Variants in PRIM2 observed in about 807,000 individuals in gnomAD.
PRIM2 encodes DNA primase subunit 2.
A neutral mutation model predicts 67.3 loss-of-function variants in PRIM2; 39 were observed. The ratio of observed to expected loss-of-function variants is 0.58; its 90% confidence interval spans 0.45 to 0.76. The LOEUF (loss-of-function observed/expected upper bound fraction) is 0.76. PRIM2 is among the 30% of genes least tolerant of loss of function. The pLI, the probability that PRIM2 is intolerant of heterozygous loss-of-function variation, is 0.00. For missense variants in PRIM2, 398 were observed against 598.7 expected (o/e 0.66, Z 3.50); for synonymous variants, 143 against 198.7 (o/e 0.72, Z 2.36).
the PRIM2 span, among the ~76,000 whole-genome samples, chr6:57,290,667 C>A: frequency 6.6e-6 from 1 of 152,184 alleles, no homozygotes; most frequent in African/African-American, 2.4e-5. Flanking sequence ...GACCACAGTG[C>A]AATCAAATTA....
intron 7 of PRIM2, among the ~76,000 whole-genome samples, chr6:57,485,964 C>T (rs1773743335): frequency 1.3e-5 from 2 of 152,106 alleles, no homozygotes; most frequent in South Asian, 4.2e-4. Context: ...AGAAGGGAGT[C>T]ATCAGTTCTA....
intron 6 of PRIM2, among the ~76,000 whole-genome samples, chr6:57,380,351 G>T (rs572257361): frequency 7.9e-5 from 12 of 152,176 alleles, no homozygotes; most frequent in Non-Finnish European, 1.3e-4. Context: ...GCTGCCTTGC[G>T]TGGAAGCCCC....
chr6:57,253,272 G>A, the PRIM2 span, among the ~76,000 whole-genome samples: 49 of 152,278 alleles, frequency 3.2e-4, no homozygotes, highest in African/African-American at 1.1e-3. Flanking sequence ...ATCTCTAAAT[G>A]GTAGCTCCAT....
chr6:57,569,988 C>T (rs1233486253), intron 10 of PRIM2, among the ~76,000 whole-genome samples: 34 of 152,280 alleles, frequency 2.2e-4, no homozygotes, highest in South Asian at 1.2e-3. Context: ...ATGATCCGCC[C>T]GCCTTGGCCT....
chr6:57,339,884 C>T (rs1348572432), intron 5 of PRIM2, among the ~76,000 whole-genome samples: 5 of 151,062 alleles, frequency 3.3e-5, no homozygotes, highest in Non-Finnish European at 5.9e-5. Flanking sequence ...AGAGCTTCTG[C>T]ACAGCAAAAG....
At chr6:57,643,425 A>G (rs1432441728) in intron 13 of PRIM2, among the ~76,000 whole-genome samples, 3 of 152,230 alleles carry the variant, frequency 2.0e-5, no homozygotes, top group African/African-American at 2.4e-5. Flanking sequence ...AGACAAAACC[A>G]GTTACTAATT....
the PRIM2 span, among the ~76,000 whole-genome samples, chr6:57,308,811 A>C: frequency 6.6e-6 from 1 of 151,698 alleles, no homozygotes; most frequent in South Asian, 2.1e-4. Context: ...CATTTCCTTC[A>C]TTGTGAAATA....
chr6:57,387,976 GC>G (rs1395787480), intron 7 of PRIM2, among the ~76,000 whole-genome samples: 10 of 151,826 alleles, frequency 6.6e-5, no homozygotes, highest in Non-Finnish European at 1.3e-4. Flanking sequence ...TGCATTCCAG[GC>G]AGGAAAAGTC....
chr6:57,296,637 A>G, the PRIM2 span, among the ~76,000 whole-genome samples: 81 of 151,376 alleles, frequency 5.4e-4, no homozygotes, highest in South Asian at 7.7e-3. Context: ...GTGGTAGGGG[A>G]GCAGTAGTGG....
At chr6:57,353,981 A>G (rs1250805453) in intron 5 of PRIM2, among the ~76,000 whole-genome samples, 1 of 152,208 alleles carries the variant, frequency 6.6e-6, no homozygotes, top group Non-Finnish European at 1.5e-5. Context: ...TAATTCCTAT[A>G]GAGAAAAGTA....
chr6:57,605,869 T>C (rs1175077990), intron 11 of PRIM2, among the ~76,000 whole-genome samples: 2 of 152,188 alleles, frequency 1.3e-5, no homozygotes, highest in African/African-American at 4.8e-5. Flanking sequence ...TCTTTTACAT[T>C]TTCATAGATT....
intron 5 of PRIM2, among the ~76,000 whole-genome samples, chr6:57,360,377 T>C (rs1769157910): frequency 6.6e-6 from 1 of 152,192 alleles, no homozygotes; most frequent in Non-Finnish European, 1.5e-5. Context: ...ATGCTTTATA[T>C]TGGCTCTTGA....
chr6:57,400,576 T>C (rs1770673896), intron 7 of PRIM2, among the ~76,000 whole-genome samples: 1 of 152,186 alleles, frequency 6.6e-6, no homozygotes, highest in Admixed American at 6.5e-5. Context: ...ATTATGTGTC[T>C]TGGGGATGAT....
At chr6:57,374,793 G>T (rs1377857310) in intron 5 of PRIM2, among the ~76,000 whole-genome samples, 1 of 152,102 alleles carries the variant, frequency 6.6e-6, no homozygotes, top group Non-Finnish European at 1.5e-5. Flanking sequence ...GTTTCGCCGT[G>T]TTGGGCAGTC....
chr6:57,339,606 A>G (rs1177311252), intron 5 of PRIM2, among the ~76,000 whole-genome samples: 6 of 152,162 alleles, frequency 3.9e-5, no homozygotes, highest in African/African-American at 1.4e-4. Flanking sequence ...GCAATGGGGA[A>G]AGGATTCCCT....
intron 10 of PRIM2, among the ~76,000 whole-genome samples, 158 bp from the exon 11 acceptor site, chr6:57,600,935 C>T (rs1776452346): frequency 6.6e-6 from 1 of 152,116 alleles, no homozygotes; most frequent in Admixed American, 6.5e-5. Context: ...CATAAAGGAC[C>T]TAAATAATAT....
the PRIM2 span, among the ~76,000 whole-genome samples, chr6:57,301,108 C>T: frequency 6.6e-6 from 1 of 152,174 alleles, no homozygotes; most frequent in Non-Finnish European, 1.5e-5. Flanking sequence ...ATTATCCTTC[C>T]TACCTGTTGA....
chr6:57,275,858 C>T, the PRIM2 span, among the ~76,000 whole-genome samples: 36 of 152,262 alleles, frequency 2.4e-4, no homozygotes, highest in South Asian at 7.0e-3. Context: ...GTAACAGAAA[C>T]GTCCATAGCA....
chr6:57,419,463 T>C (rs1771390981), intron 7 of PRIM2, among the ~76,000 whole-genome samples: 1 of 152,116 alleles, frequency 6.6e-6, no homozygotes, highest in Non-Finnish European at 1.5e-5. Context: ...GTCTGTACTG[T>C]GTGGAGGAGG....
Sources: allele counts gnomAD v4.1 joint callset (sites outside exome capture counted in the v4.1 genomes callset), GRCh38; gene constraint gnomAD v4.1.1; transcripts MANE v1.5; gene names NCBI Gene and HGNC (gene_info 2026-07-23, HGNC 2026-07-21).